The following CBLB variants were observed in gnomAD, a reference collection of about 807,000 sequenced individuals.
The protein encoded by CBLB is Cbl proto-oncogene B.
CBLB carries 31 observed loss-of-function variants against 104.9 expected under a neutral mutation model. The observed-to-expected ratio is 0.30, with a 90% CI of 0.22 to 0.40. The LOEUF is 0.40. CBLB is among the 10% of genes least tolerant of loss of function. The probability of loss-of-function intolerance (pLI) is 1.00; values close to 1 mark genes in which losing one functional copy is unlikely to be tolerated. For missense variants in CBLB, 1,062 were observed against 1,214.6 expected (o/e 0.87, Z 1.87); for synonymous variants, 440 against 422.6 (o/e 1.04, Z -0.51).
intron 10 of CBLB, among the ~76,000 whole-genome samples, chr3:105,718,008 T>G (rs554166805): frequency 2.0e-5 from 3 of 152,286 alleles, no homozygotes; most frequent in African/African-American, 7.2e-5. Flanking sequence ...AAAGAGGTTA[T>G]ATAACTTGCC....
chr3:105,864,947 G>C (rs1001382187), intron 2 of CBLB, among the ~76,000 whole-genome samples: 1 of 152,118 alleles, frequency 6.6e-6, no homozygotes, highest in African/African-American at 2.4e-5. Context: ...CTTGCAAAGA[G>C]GCTTCATAAG....
intron 3 of CBLB, among the ~76,000 whole-genome samples, chr3:105,784,359 G>C (rs2080702333): frequency 6.6e-6 from 1 of 152,140 alleles, no homozygotes; most frequent in African/African-American, 2.4e-5. Context: ...CCAGAACATA[G>C]CAGAACTTTT....
Position 105,657,120 on chromosome 3 carries a change from A to T in CBLB, c.*1850T>A, listed in dbSNP as rs2063400007. 4.4e-6 allele frequency: 1 copy of T among 226,062 alleles called. No homozygotes were observed. The highest frequency in any genetic ancestry group is 2.2e-5 in the African/African-American group (1 of 44,942). The allele number at this position is 226,062 out of a possible 1,614,324, so 14.0% of individuals were successfully genotyped here. A position where few individuals can be genotyped will look rare whatever the true frequency, so the allele number is the denominator to read the frequency against. ...CCCAAGGCCTGTGAGTCCTCATCTC[A>T]TACCATGAAAGCCAGACTGTCAAAA... On this transcript the variant is annotated 3_prime_UTR_variant, in exon 19 of 19. Coordinates refer to ENST00000394030, the MANE Select transcript of CBLB (RefSeq NM_170662.5).
rs2063527470 is a variant in CBLB at position 105,659,062 on chromosome 3, A to C, written c.2857T>G (p.Leu953Val). The C allele has an allele frequency of 6.2e-7, 1 of 1,613,858 alleles. No individual in the cohort carries two copies. The highest frequency in any genetic ancestry group is 1.7e-5 in the Admixed American group (1 of 59,970). The change falls in exon 19 of 19, where the codon TTA (leucine) becomes GTA (valine). Residue 953 changes from leucine to valine, a missense_variant. By Grantham distance (32) the Leu-to-Val change is conservative (BLOSUM62 1). Coordinates refer to ENST00000394030, the MANE Select transcript of CBLB (RefSeq NM_170662.5). ...GYAFEEVKRA[L>V]EIAQNNVEVA... ...TCGACATTATTCTGGGCTATCTCTA[A>C]GGCTCTCTTCACCTCTTCAAAGGCA... is the stretch of plus-strand genomic sequence containing the variant.
intron 3 of CBLB, among the ~76,000 whole-genome samples, chr3:105,846,731 C>T (rs1347672769): frequency 6.6e-6 from 1 of 151,996 alleles, no homozygotes; most frequent in Non-Finnish European, 1.5e-5. Flanking sequence ...GCACTTTTTT[C>T]ATTTTCTTCT....
At chr3:105,683,570 A>C (rs1369740172) in intron 14 of CBLB, among the ~76,000 whole-genome samples, 1 of 152,188 alleles carries the variant, frequency 6.6e-6, no homozygotes, top group African/African-American at 2.4e-5. Flanking sequence ...AAAAAAAATA[A>C]GACTCCCAAA....
chr3:105,727,495 G>A (rs1251788923), intron 9 of CBLB, among the ~76,000 whole-genome samples: 1 of 152,076 alleles, frequency 6.6e-6, no homozygotes, highest in African/African-American at 2.4e-5. Flanking sequence ...CATTCTGTAG[G>A]TTGTCTGTTC....
Position 105,864,331 on chromosome 3 carries a change from AAC to A in CBLB, c.168+3077_168+3078del, listed in dbSNP as rs144412701. On this transcript the variant is annotated intron_variant, in intron 2 of 18. Transcript: ENST00000394030. ...TCCCCAGTAACGAGCACTCAGTGGA[AAC>A]ACAGTAGGCCCTCAAAAAATGTTTA... Among the ~76,000 whole-genome samples, 960 of 152,318 alleles carry A rather than the reference AAC, an allele frequency of 6.3e-3. 29 individuals carry two copies. Among genetic ancestry groups the A allele is most frequent in the East Asian group, 0.054 (281 of 5,182 alleles).
intron 12 of CBLB, among the ~76,000 whole-genome samples, chr3:105,694,082 G>A (rs991288765): frequency 3.3e-5 from 5 of 151,870 alleles, no homozygotes; most frequent in African/African-American, 9.7e-5. Flanking sequence ...AAGTGCCTTT[G>A]TTCTTTCATG....
chr3:105,697,614 T>C (rs569640211), intron 12 of CBLB, among the ~76,000 whole-genome samples: 5 of 152,152 alleles, frequency 3.3e-5, no homozygotes, highest in Admixed American at 1.3e-4. Flanking sequence ...TTGAAATTTA[T>C]AGATAACTTT....
chr3:105,739,931 C>T (rs955359162), intron 7 of CBLB, among the ~76,000 whole-genome samples: 2 of 152,016 alleles, frequency 1.3e-5, no homozygotes, highest in South Asian at 2.1e-4. Context: ...GGTGAAACCC[C>T]GTCTCTACTA....
At chr3:105,859,758 C>T (rs766105178) in intron 2 of CBLB, among the ~76,000 whole-genome samples, 8 of 151,702 alleles carry the variant, frequency 5.3e-5, no homozygotes, top group Non-Finnish European at 1.2e-4. Context: ...ATATATCTCT[C>T]TCTTTATAAT....
At chr3:105,682,406 A>G (rs2066422028) in intron 14 of CBLB, among the ~76,000 whole-genome samples, 1 of 152,176 alleles carries the variant, frequency 6.6e-6, no homozygotes. Context: ...CTCTGACACT[A>G]CAGAAAATGA....
intron 3 of CBLB, among the ~76,000 whole-genome samples, chr3:105,834,619 G>A (rs1346079121): frequency 6.6e-6 from 1 of 151,996 alleles, no homozygotes; most frequent in East Asian, 1.9e-4. Flanking sequence ...TTGCGCCACT[G>A]CACTCCAGCC....
chr3:105,722,198 CAAAAAAAAAA>C (rs5851468), intron 9 of CBLB, among the ~76,000 whole-genome samples: 222 of 84,408 alleles, frequency 2.6e-3, no homozygotes, highest in Non-Finnish European at 3.8e-3. Context: ...GACCCCGTGC[CAAAAAAAAAA>C]AAAAAAAAAA....
chr3:105,846,960 TTTAAA>T (rs1463669686), intron 3 of CBLB, among the ~76,000 whole-genome samples: 1 of 152,084 alleles, frequency 6.6e-6, no homozygotes, highest in Admixed American at 6.6e-5. Context: ...AATTTAAGCA[TTTAAA>T]TTAATACTAC....
At chr3:105,705,343 T>G (rs545994175) in intron 10 of CBLB, among the ~76,000 whole-genome samples, 2 of 152,166 alleles carry the variant, frequency 1.3e-5, no homozygotes, top group Non-Finnish European at 2.9e-5. Context: ...CTAAAATCCA[T>G]AGTTTATTCA....
intron 4 of CBLB, among the ~76,000 whole-genome samples, chr3:105,756,062 A>T (rs949621449): frequency 6.6e-6 from 1 of 152,212 alleles, no homozygotes; most frequent in Non-Finnish European, 1.5e-5. Flanking sequence ...TTTCAAAAAT[A>T]TATTTTCTGT....
At chr3:105,712,807 T>C (rs1279598285) in intron 10 of CBLB, among the ~76,000 whole-genome samples, 1 of 152,224 alleles carries the variant, frequency 6.6e-6, no homozygotes, top group Non-Finnish European at 1.5e-5. Context: ...GTTAATATGT[T>C]AAAGAAATAC....
Sources: allele counts gnomAD v4.1 joint callset (sites outside exome capture counted in the v4.1 genomes callset), GRCh38; gene constraint gnomAD v4.1.1; transcripts MANE v1.5; gene names NCBI Gene and HGNC (gene_info 2026-07-23, HGNC 2026-07-21).